The following DCP2 variants were observed in gnomAD, a reference collection of about 807,000 sequenced individuals.
The protein encoded by DCP2 is m7GpppN-mRNA hydrolase.
DCP2 carries 30 observed loss-of-function variants against 56.1 expected under a neutral mutation model. The ratio of observed to expected loss-of-function variants is 0.53; its 90% confidence interval spans 0.40 to 0.73. The LOEUF is 0.73. Ranked by LOEUF, DCP2 falls within the 30% of genes least tolerant of loss-of-function variation. DCP2 has a pLI of 0.00. For synonymous variants in DCP2, 197 were observed against 163.3 expected, an observed-to-expected ratio of 1.21 and a Z score of -1.57; for missense variants, 533 against 502.7, an observed-to-expected ratio of 1.06 and a Z score of -0.58.
chr5:113,009,549 T>A (rs1283655130), intron 9 of DCP2, among the ~76,000 whole-genome samples: 1 of 152,214 alleles, frequency 6.6e-6, no homozygotes, highest in East Asian at 1.9e-4. Context: ...GAGAGGACTT[T>A]GCTATATCAA....
intron 7 of DCP2, 124 bp downstream of exon 7, chr5:113,001,798 G>T (rs1262167262): frequency 1.2e-6 from 1 of 854,532 alleles, no homozygotes; most frequent in Non-Finnish European, 1.8e-6. Flanking sequence ...TTTGTTACTG[G>T]TCTCACAGAT....
chr5:112,987,974 C>G (rs951943735), intron 2 of DCP2, among the ~76,000 whole-genome samples: 20 of 152,102 alleles, frequency 1.3e-4, no homozygotes, highest in Admixed American at 3.9e-4. Flanking sequence ...TTTGTACCCA[C>G]AAGTTCGTGT....
chr5:113,018,789 C>G lies in DCP2; in HGVS notation c.*5305C>G, dbSNP rs1463215885. On this transcript the variant is annotated 3_prime_UTR_variant, in exon 11 of 11. Transcript: ENST00000389063. ...CTTTTTTTCTCCCTGGTGTCTTACCCCTTCTGTAGAATAATCCATATTTTA... is the reference window on the plus strand; with the variant it reads ...CTTTTTTTCTCCCTGGTGTCTTACCGCTTCTGTAGAATAATCCATATTTTA... 6.6e-6 allele frequency: 1 copy of G among 152,094 alleles called. No homozygotes were observed. Among genetic ancestry groups the G allele is most frequent in the Non-Finnish European group, 1.5e-5 (1 of 68,034 alleles). The allele number at this position is 152,094 out of a possible 1,614,324, so 9.4% of individuals were successfully genotyped here.
chr5:113,021,369 A>G lies in DCP2; in HGVS notation c.*7885A>G. 7.2e-6 allele frequency among the ~76,000 whole-genome samples: 1 copy of G among 139,548 alleles called. No individual in the cohort carries two copies. The highest frequency in any genetic ancestry group is 7.0e-5 in the Admixed American group (1 of 14,348). 91.5% of individuals were successfully genotyped at this position (139,548 alleles called of 152,430 possible). A position where few individuals can be genotyped will look rare whatever the true frequency, so the allele number is the denominator to read the frequency against. ...GTGAACAGAGCAAGACTCTGTCTGG[A>G]AAAAACAAAAAACAACCAAAAAAAA... On this transcript the variant is annotated 3_prime_UTR_variant, in exon 11 of 11. Transcript: ENST00000389063.
intron 4 of DCP2, among the ~76,000 whole-genome samples, chr5:113,000,420 A>ACACC (rs1554100629): frequency 0.4 from 58,799 of 146,614 alleles, 14,159 homozygotes; most frequent in East Asian, 0.62. Context: ...ACACACACAC[A>ACACC]CACACCCACA....
rs1749850975 is a variant in DCP2 at position 113,015,521 on chromosome 5, G to A, written c.*2037G>A. 1 of 152,514 alleles carries A rather than the reference G, an allele frequency of 6.6e-6. No individual in the cohort carries two copies. Among genetic ancestry groups the A allele is most frequent in the African/African-American group, 2.4e-5 (1 of 41,410 alleles). The allele number at this position is 152,514 out of a possible 1,614,324, so 9.4% of individuals were successfully genotyped here. A position where few individuals can be genotyped will look rare whatever the true frequency, so the allele number is the denominator to read the frequency against. ...TTTCAAGAACCAACAAATTATCTTTGTGATTACAGTAGTTTAACTATGGTT... is the reference window on the plus strand; with the variant it reads ...TTTCAAGAACCAACAAATTATCTTTATGATTACAGTAGTTTAACTATGGTT... On this transcript the variant is annotated 3_prime_UTR_variant, in exon 11 of 11. Coordinates refer to ENST00000389063, the MANE Select transcript of DCP2 (RefSeq NM_152624.6).
Position 112,976,962 on chromosome 5 carries a change from G to A in DCP2, c.29G>A (p.Gly10Asp). 6.3e-7 allele frequency: 1 copy of A among 1,599,692 alleles called. No homozygotes were observed. The highest frequency in any genetic ancestry group is 8.6e-7 in the Non-Finnish European group (1 of 1,169,000). Residue 10 changes from glycine (G) to aspartate (D), a missense_variant, in exon 1 of 11, where the codon GGC becomes GAC. Around this residue, in one of 3 missense-constraint regions of DCP2, gnomAD observed 137 missense variants for 138.2 expected, o/e 0.99. Transcript: ENST00000389063. METKRVEIP[G>D]SVLDDLCSRF... ...GAGACCAAACGGGTGGAGATTCCCG[G>A]CAGCGTCCTGGACGATCTCTGCAGG...
intron 4 of DCP2, among the ~76,000 whole-genome samples, chr5:113,000,013 A>C (rs1428339276): frequency 1.4e-5 from 2 of 145,288 alleles, no homozygotes; most frequent in Non-Finnish European, 3.0e-5. Context: ...CTGAGCCAGG[A>C]GCCCACCATT....
chr5:113,013,328 A>G lies in DCP2; in HGVS notation c.1107A>G (p.Val369=), dbSNP rs773199862. 4 of 1,613,752 alleles carry G rather than the reference A, an allele frequency of 2.5e-6. No homozygotes were observed. Among genetic ancestry groups the G allele is most frequent in the Non-Finnish European group, 3.4e-6 (4 of 1,179,868 alleles). The change falls in exon 11 of 11, where the codon GTA becomes GTG. Residue 369 remains valine (V), a synonymous_variant. Coordinates refer to ENST00000389063, the MANE Select transcript of DCP2 (RefSeq NM_152624.6). Reference sequence around the variant, plus strand: ...TGTTTTTTCTTTAAACAGATGCTGTATATGACTTGCCTAGCTCCAGTGAAG... The same window carrying G: ...TGTTTTTTCTTTAAACAGATGCTGTGTATGACTTGCCTAGCTCCAGTGAAG... ...KLQDNFETDA[V]YDLPSSSEDQ... is the part of the protein sequence containing the mutation.
intron 2 of DCP2, 22 bp downstream of exon 2, chr5:112,986,008 T>G: frequency 1.3e-6 from 2 of 1,497,146 alleles, no homozygotes; most frequent in Non-Finnish European, 1.8e-6. Flanking sequence ...ATTACTATAA[T>G]GACTGACTTT....
intron 1 of DCP2, among the ~76,000 whole-genome samples, chr5:112,981,500 T>C (rs1315082958): frequency 1.3e-5 from 2 of 152,142 alleles, no homozygotes; most frequent in Non-Finnish European, 2.9e-5. Flanking sequence ...ACGTCTGTTA[T>C]ATTTTGTGCT....
rs952713637 is a variant in DCP2 at position 112,992,899 on chromosome 5, TA to T, written c.432+130del. ...CAGAACTTGAGTGCATGAAGTAACT[TA>T]CTTTTTTTTTTTTTAAATCACTGTT... On this transcript the variant is annotated intron_variant, in intron 4 of 10. Transcript: ENST00000389063. 60 of 461,020 alleles carry T rather than the reference TA, an allele frequency of 1.3e-4. No individual in the cohort carries two copies. The Admixed American group carries it at 1.5e-3, about 11-fold the overall frequency. The allele number at this position is 461,020 out of a possible 1,614,324, so 28.6% of individuals were successfully genotyped here.
At chr5:112,981,171 G>T (rs1394228237) in intron 1 of DCP2, among the ~76,000 whole-genome samples, 3 of 151,972 alleles carry the variant, frequency 2.0e-5, no homozygotes, top group Non-Finnish European at 4.4e-5. Context: ...ACCATGCCCA[G>T]GTATTAAATA....
Position 113,020,214 on chromosome 5 carries a change from C to A in DCP2, c.*6730C>A, listed in dbSNP as rs968380746. On this transcript the variant is annotated 3_prime_UTR_variant, in exon 11 of 11. Coordinates refer to ENST00000389063, the MANE Select transcript of DCP2 (RefSeq NM_152624.6). ...TATTATGGTCAATGAAAAAACCAGACTTTAGAGTAAATGTGATAACCAAGT... is the reference window on the plus strand; with the variant it reads ...TATTATGGTCAATGAAAAAACCAGAATTTAGAGTAAATGTGATAACCAAGT... 6.6e-6 allele frequency: 1 copy of A among 152,152 alleles called. No individual in the cohort carries two copies. The highest frequency in any genetic ancestry group is 1.5e-5 in the Non-Finnish European group (1 of 68,020). 9.4% of individuals were successfully genotyped at this position (152,152 alleles called of 1,614,324 possible).
At chr5:112,998,360 A>T (rs1580816000) in intron 4 of DCP2, among the ~76,000 whole-genome samples, 1 of 152,150 alleles carries the variant, frequency 6.6e-6, no homozygotes, top group African/African-American at 2.4e-5. Flanking sequence ...GCTCCAGTTT[A>T]TCCAGCAGAA....
chr5:112,980,126 G>T (rs1298612434), intron 1 of DCP2, among the ~76,000 whole-genome samples: 1 of 152,142 alleles, frequency 6.6e-6, no homozygotes, highest in Non-Finnish European at 1.5e-5. Context: ...CATGATTTTT[G>T]ATATTAAAAC....
At chr5:112,997,229 A>G (rs537872614) in intron 4 of DCP2, among the ~76,000 whole-genome samples, 2 of 152,348 alleles carry the variant, frequency 1.3e-5, no homozygotes, top group South Asian at 4.1e-4. Context: ...AATGCAGTCC[A>G]TACCGTGGCC....
chr5:113,010,699 A>G, intron 9 of DCP2, 57 bp from the exon 10 acceptor site: 2 of 1,423,032 alleles, frequency 1.4e-6, no homozygotes, highest in South Asian at 1.6e-5. Flanking sequence ...AATAAGTGAA[A>G]TAACTGGTGA....
intron 1 of DCP2, 37 bp downstream of exon 1, chr5:112,977,023 G>A (rs1335610095): frequency 3.4e-6 from 5 of 1,462,046 alleles, no homozygotes; most frequent in Admixed American, 2.3e-5. Context: ...CCCCCGTCGG[G>A]TTTTCTCAGT....
Sources: gnomAD v4.1 joint callset for allele counts (sites outside exome capture counted in the v4.1 genomes callset) on GRCh38, gnomAD v4.1.1 for gene constraint, gnomAD v4.1.1 regional missense constraint, MANE v1.5 for transcripts, NCBI Gene and HGNC (gene_info 2026-07-23, HGNC 2026-07-21) for gene names.